The following LINGO2 variants were observed in gnomAD, a reference collection of about 807,000 sequenced individuals.
LINGO2 encodes leucine rich repeat and Ig domain containing 2, also known as leucine-rich repeat and immunoglobulin-like domain-containing nogo receptor-interacting protein 2.
A neutral mutation model predicts 30.6 loss-of-function variants in LINGO2; 14 were observed. The observed-to-expected ratio is 0.46, with a 90% CI of 0.30 to 0.72. The LOEUF (loss-of-function observed/expected upper bound fraction) is 0.72. Ranked by LOEUF, LINGO2 falls within the 30% of genes least tolerant of loss-of-function variation. LINGO2 has a pLI of 0.07. For synonymous variants in LINGO2, 317 were observed against 288.5 expected (o/e 1.10, Z -1.00); for missense variants, 729 against 751.7 (o/e 0.97, Z 0.35).
intron 1 of LINGO2, among the ~76,000 whole-genome samples, chr9:28,587,560 C>G (rs1030378470): frequency 6.6e-6 from 1 of 151,816 alleles, no homozygotes. Context: ...CTGTAGGACA[C>G]CCAGGGCTTA....
intron 4 of LINGO2, among the ~76,000 whole-genome samples, chr9:28,285,398 ATTTTTTTTTTTT>A (rs34034595): frequency 1.3e-5 from 1 of 76,166 alleles, no homozygotes; most frequent in African/African-American, 5.3e-5. Context: ...GCCCAAGATC[ATTTTTTTTTTTT>A]TTTTTTTTTT....
chr9:28,658,371 T>C (rs1828450154), intron 1 of LINGO2, among the ~76,000 whole-genome samples: 1 of 152,056 alleles, frequency 6.6e-6, no homozygotes, highest in South Asian at 2.1e-4. Flanking sequence ...GAGCTTTCTA[T>C]TTCTCTTTTT....
intron 1 of LINGO2, among the ~76,000 whole-genome samples, chr9:28,563,493 C>T (rs1446548191): frequency 6.6e-6 from 1 of 152,050 alleles, no homozygotes; most frequent in Admixed American, 6.5e-5. Flanking sequence ...AAATGCAGTC[C>T]AATTTGCTTG....
chr9:28,565,897 T>C (rs1005633975), intron 1 of LINGO2, among the ~76,000 whole-genome samples: 2 of 152,142 alleles, frequency 1.3e-5, no homozygotes, highest in African/African-American at 4.8e-5. Flanking sequence ...GGTGAAAGGC[T>C]ATATAGCTTT....
chr9:28,300,045 C>G (rs1240971740), intron 3 of LINGO2, among the ~76,000 whole-genome samples: 1 of 147,260 alleles, frequency 6.8e-6, no homozygotes, highest in Non-Finnish European at 1.5e-5. Flanking sequence ...AACAAAATAA[C>G]AGGATTTTGA....
intron 1 of LINGO2, among the ~76,000 whole-genome samples, chr9:28,519,389 T>C (rs975932871): frequency 4.6e-5 from 7 of 152,136 alleles, no homozygotes; most frequent in African/African-American, 1.7e-4. Flanking sequence ...AATAAGTTGT[T>C]CAGGTAAATA....
At chr9:27,974,776 G>C (rs1820517008) in intron 5 of LINGO2, among the ~76,000 whole-genome samples, 2 of 151,732 alleles carry the variant, frequency 1.3e-5, no homozygotes, top group African/African-American at 4.8e-5. Context: ...GATGAGAAAA[G>C]AAAAAAAAGT....
chr9:28,741,261 C>T, the LINGO2 span, among the ~76,000 whole-genome samples: 1 of 151,948 alleles, frequency 6.6e-6, no homozygotes, highest in Admixed American at 6.6e-5. Context: ...TAGGTGCCAA[C>T]GTGGTGCATG....
At chr9:28,040,356 G>T (rs1264123477) in intron 4 of LINGO2, among the ~76,000 whole-genome samples, 1 of 151,558 alleles carries the variant, frequency 6.6e-6, no homozygotes, top group East Asian at 1.9e-4. Context: ...GAATTGGAAG[G>T]TTCCTAGCAA....
chr9:28,014,352 A>T (rs77690935), intron 4 of LINGO2, among the ~76,000 whole-genome samples: 1 of 152,188 alleles, frequency 6.6e-6, no homozygotes, highest in African/African-American at 2.4e-5. Context: ...TGTTCTGATA[A>T]TTCACTGATC....
At chr9:28,526,073 A>AAAAAAAAAAAAC (rs1564266795) in intron 1 of LINGO2, among the ~76,000 whole-genome samples, 1 of 150,740 alleles carries the variant, frequency 6.6e-6, no homozygotes, top group African/African-American at 2.4e-5. Context: ...AAAAAAAAAA[A>AAAAAAAAAAAAC]AAAGCCATTG....
At chr9:27,942,288 T>C in the LINGO2 span, 1 of 152,184 alleles carries the variant, frequency 6.6e-6, no homozygotes, top group African/African-American at 2.4e-5. Context: ...ATTAATACAG[T>C]GATACCTCAC....
chr9:28,887,607 TAAAATACAGCCAAC>T, the LINGO2 span, among the ~76,000 whole-genome samples: 1 of 152,022 alleles, frequency 6.6e-6, no homozygotes, highest in Non-Finnish European at 1.5e-5. Flanking sequence ...CTACTGGAAA[TAAAATACAGCCAAC>T]ACATTGTTTT....
chr9:29,199,804 C>G, the LINGO2 span, among the ~76,000 whole-genome samples: 1 of 151,424 alleles, frequency 6.6e-6, no homozygotes, highest in African/African-American at 2.4e-5. Flanking sequence ...AATATTTAGC[C>G]CCATAGCGCA....
chr9:28,546,752 G>A (rs529045032), intron 1 of LINGO2, among the ~76,000 whole-genome samples: 1 of 152,154 alleles, frequency 6.6e-6, no homozygotes, highest in African/African-American at 2.4e-5. Context: ...AAGAGACTCT[G>A]TTTCTGACAC....
intron 1 of LINGO2, among the ~76,000 whole-genome samples, chr9:28,585,167 T>C (rs1268554296): frequency 6.6e-6 from 1 of 152,074 alleles, no homozygotes; most frequent in East Asian, 1.9e-4. Flanking sequence ...ATTATTTGTA[T>C]ATCCCAGACA....
At chr9:28,018,395 T>C (rs1449724172) in intron 4 of LINGO2, among the ~76,000 whole-genome samples, 1 of 152,010 alleles carries the variant, frequency 6.6e-6, no homozygotes, top group Non-Finnish European at 1.5e-5. Context: ...GCACAGCCGA[T>C]ACAGAATGAA....
the LINGO2 span, among the ~76,000 whole-genome samples, chr9:28,870,821 T>C: frequency 2.0e-5 from 3 of 152,098 alleles, no homozygotes; most frequent in African/African-American, 7.2e-5. Context: ...ACTTAATTTA[T>C]ATTTTAAAAA....
the LINGO2 span, among the ~76,000 whole-genome samples, chr9:28,677,981 G>T: frequency 6.6e-6 from 1 of 151,550 alleles, no homozygotes; most frequent in African/African-American, 2.4e-5. Context: ...CCCACTCCAA[G>T]CTGTTACCTT....
Sources: gnomAD v4.1 joint callset for allele counts (sites outside exome capture counted in the v4.1 genomes callset) on GRCh38, gnomAD v4.1.1 for gene constraint, MANE v1.5 for transcripts, NCBI Gene and HGNC (gene_info 2026-07-23, HGNC 2026-07-21) for gene names.